The following STAMBPL1 variants were observed in gnomAD, a reference collection of about 807,000 sequenced individuals.
STAMBPL1 encodes the protein STAM binding protein like 1.
STAMBPL1 carries 44 observed loss-of-function variants against 52.9 expected under a neutral mutation model. That is an observed-to-expected ratio of 0.83 (90% confidence interval 0.65 to 1.07). The LOEUF (loss-of-function observed/expected upper bound fraction) is 1.07, where lower values mean the gene tolerates loss of function less well. Among genes scored for constraint, STAMBPL1 ranks in the 50% least tolerant of loss-of-function variants. The pLI is 0.00. For synonymous variants in STAMBPL1, 164 were observed against 177.3 expected (o/e 0.92, Z 0.60); for missense variants, 511 against 520.8 (o/e 0.98, Z 0.18).
chr10:88,907,628 T>C (rs1338390386), intron 3 of STAMBPL1, among the ~76,000 whole-genome samples: 1 of 152,226 alleles, frequency 6.6e-6, no homozygotes, highest in East Asian at 1.9e-4. Flanking sequence ...TGATAATTTG[T>C]AATTCACTTA....
chr10:88,912,932 G>A, intron 5 of STAMBPL1, 169 bp from the exon 6 acceptor site: 1 of 666,256 alleles, frequency 1.5e-6, no homozygotes. Context: ...AGATCAAGGG[G>A]CTTTTGCCCT....
At chr10:88,903,147 A>G (rs1029979770) in intron 2 of STAMBPL1, among the ~76,000 whole-genome samples, 1 of 152,178 alleles carries the variant, frequency 6.6e-6, no homozygotes, top group Non-Finnish European at 1.5e-5. Context: ...TTATCTGGAA[A>G]ATTTGTGTTT....
At position 88,921,286 on chromosome 10, in the gene STAMBPL1, C is replaced by G; in HGVS notation, c.1045C>G (p.His349Asp). ...DLLTLGWIHT[H>D]PTQTAFLSSV... ...TTATCTTATTTTCTATTTATAGACA[C>G]ATCCCACTCAAACTGCATTTTTATC... is the stretch of plus-strand genomic sequence containing the variant. Residue 349 changes from histidine to aspartate, a missense_variant, in exon 9 of 11, where the codon CAT becomes GAT. Physicochemically the swap from His to Asp is moderately conservative, Grantham distance 81. Transcript: ENST00000371926. 2.5e-6 allele frequency: 4 copies of G among 1,611,348 alleles called. No individual in the cohort carries two copies. The highest frequency in any genetic ancestry group is 3.4e-6 in the Non-Finnish European group (4 of 1,178,180).
intron 7 of STAMBPL1, 96 bp downstream of exon 7, chr10:88,914,754 C>A (rs375328444): frequency 9.2e-5 from 46 of 498,356 alleles, no homozygotes; most frequent in African/African-American, 7.4e-4. Context: ...CAGAATAAAA[C>A]CATGCTAAGA....
At chr10:88,921,459 G>A in intron 9 of STAMBPL1, 64 bp downstream of exon 9, 1 of 1,300,934 alleles carries the variant, frequency 7.7e-7, no homozygotes, top group South Asian at 1.2e-5. Flanking sequence ...GTTCCTGTGT[G>A]TCCAGACACC....
chr10:88,902,319 T>C (rs1844962101), intron 2 of STAMBPL1, among the ~76,000 whole-genome samples: 3 of 152,038 alleles, frequency 2.0e-5, no homozygotes. Flanking sequence ...CCTGATTTTG[T>C]ACTTTTTGCT....
chr10:88,890,110 G>C (rs574911424), intron 1 of STAMBPL1, among the ~76,000 whole-genome samples: 2 of 152,214 alleles, frequency 1.3e-5, no homozygotes, highest in African/African-American at 4.8e-5. Flanking sequence ...GTGGAAGTAT[G>C]AACTGAGGAT....
intron 3 of STAMBPL1, among the ~76,000 whole-genome samples, chr10:88,907,781 C>A (rs534857994): frequency 6.6e-6 from 1 of 152,102 alleles, no homozygotes; most frequent in Non-Finnish European, 1.5e-5. Flanking sequence ...CTTCTTTAAG[C>A]CTTAATTTTC....
At chr10:88,904,669 A>G (rs1341375302) in intron 2 of STAMBPL1, among the ~76,000 whole-genome samples, 1 of 152,220 alleles carries the variant, frequency 6.6e-6, no homozygotes, top group African/African-American at 2.4e-5. Context: ...TTTTTATTGA[A>G]TAATTATTCT....
intron 1 of STAMBPL1, among the ~76,000 whole-genome samples, chr10:88,899,376 T>C (rs530434735): frequency 2.6e-5 from 4 of 152,346 alleles, no homozygotes; most frequent in African/African-American, 9.6e-5. Flanking sequence ...GACTGCATTT[T>C]AAACAGATCT....
intron 8 of STAMBPL1, among the ~76,000 whole-genome samples, chr10:88,919,666 C>G (rs1184516715): frequency 6.6e-6 from 1 of 152,156 alleles, no homozygotes; most frequent in African/African-American, 2.4e-5. Flanking sequence ...TACTCCCACT[C>G]ATACCCCCTA....
At chr10:88,916,624 G>A (rs1845376512) in intron 7 of STAMBPL1, 56 bp from the exon 8 acceptor site, 1 of 1,514,594 alleles carries the variant, frequency 6.6e-7, no homozygotes, top group Non-Finnish European at 8.9e-7. Context: ...TTCCTGTTCA[G>A]TTATTTTTTT....
intron 8 of STAMBPL1, among the ~76,000 whole-genome samples, chr10:88,920,542 T>C (rs775134853): frequency 1.3e-5 from 2 of 152,236 alleles, no homozygotes; most frequent in Non-Finnish European, 2.9e-5. Context: ...GGGTTTAATA[T>C]GAATTTCTAA....
chr10:88,919,166 T>A (rs931973993), intron 8 of STAMBPL1, among the ~76,000 whole-genome samples: 2 of 152,184 alleles, frequency 1.3e-5, no homozygotes, highest in Non-Finnish European at 2.9e-5. Context: ...TTAGACATTT[T>A]GGTTTAACTA....
intron 2 of STAMBPL1, among the ~76,000 whole-genome samples, chr10:88,904,286 G>T (rs556490479): frequency 5.9e-5 from 9 of 152,276 alleles, no homozygotes; most frequent in African/African-American, 2.2e-4. Flanking sequence ...CTGGAAAGAT[G>T]GATTAAAACA....
At chr10:88,908,889 G>C in intron 4 of STAMBPL1, 112 bp downstream of exon 4, 1 of 828,140 alleles carries the variant, frequency 1.2e-6, no homozygotes. Flanking sequence ...TTGAGCGCAA[G>C]AAATTCATTC....
chr10:88,899,917 G>A (rs764993083), intron 1 of STAMBPL1, among the ~76,000 whole-genome samples: 2 of 152,092 alleles, frequency 1.3e-5, no homozygotes, highest in Non-Finnish European at 2.9e-5. Flanking sequence ...TCTTTTTAAC[G>A]CTTTTAACGT....
intron 1 of STAMBPL1, among the ~76,000 whole-genome samples, chr10:88,892,016 A>T (rs569858817): frequency 9.8e-4 from 148 of 151,478 alleles, no homozygotes; most frequent in African/African-American, 3.0e-3. Flanking sequence ...AATTAAGCTG[A>T]AGCCATGAAA....
chr10:88,884,616 G>A (rs1385899665), intron 1 of STAMBPL1, among the ~76,000 whole-genome samples: 1 of 152,228 alleles, frequency 6.6e-6, no homozygotes, highest in Non-Finnish European at 1.5e-5. Flanking sequence ...TGTGGCACAA[G>A]TGTGATCACT....
Sources: allele counts gnomAD v4.1 joint callset (sites outside exome capture counted in the v4.1 genomes callset), GRCh38; gene constraint gnomAD v4.1.1; transcripts MANE v1.5; gene names NCBI Gene and HGNC (gene_info 2026-07-23, HGNC 2026-07-21).